PCDHA2: variants seen among roughly 807,000 people sequenced by gnomAD.
The protein encoded by PCDHA2 is protocadherin alpha-2.
PCDHA2 carries 58 observed loss-of-function variants against 66.0 expected under a neutral mutation model. That is an observed-to-expected ratio of 0.88 (90% CI 0.71 to 1.09). The LOEUF (loss-of-function observed/expected upper bound fraction) is 1.09, where lower values mean the gene tolerates loss of function less well. Among genes scored for constraint, PCDHA2 ranks in the 50% least tolerant of loss-of-function variants. The pLI is 0.00. For synonymous variants in PCDHA2, 634 were observed against 554.0 expected (o/e 1.14, Z -2.03); for missense variants, 1,267 against 1,242.3 (o/e 1.02, Z -0.30).
chr5:140,943,359 G>T (rs1374185019), intron 1 of PCDHA2, among the ~76,000 whole-genome samples: 2 of 151,772 alleles, frequency 1.3e-5, no homozygotes, highest in Non-Finnish European at 2.9e-5. Flanking sequence ...TAGAGGAAAG[G>T]AGATCATTAA....
Position 140,841,358 on chromosome 5 carries a change from C to T in PCDHA2, c.2388+44006C>T, listed in dbSNP as rs2150314140. 4 of 1,612,986 alleles carry T rather than the reference C, an allele frequency of 2.5e-6. No individual in the cohort carries two copies. In the South Asian group the frequency reaches 4.4e-5, roughly 18 times the overall value. ...CTGGCGAGGAGAGCTGGGATCCTGG[C>T]GACTACTACTCTTGCTTCTGCTCCT... On this transcript the variant is annotated intron_variant, in intron 1 of 3. Transcript: ENST00000526136.
chr5:140,922,883 T>G (rs963654982), intron 1 of PCDHA2, among the ~76,000 whole-genome samples: 2 of 152,134 alleles, frequency 1.3e-5, no homozygotes, highest in African/African-American at 2.4e-5. Flanking sequence ...TCCAAAGACA[T>G]CATTCAAGAA....
chr5:140,848,354 C>G (rs1427419086), intron 1 of PCDHA2: 1 of 1,023,830 alleles, frequency 9.8e-7, no homozygotes, highest in African/African-American at 1.6e-5. Flanking sequence ...AGCCCTTTTC[C>G]CATGGGAAAG....
chr5:140,858,998 T>G, intron 1 of PCDHA2: 1 of 151,598 alleles, frequency 6.6e-6, no homozygotes, highest in East Asian at 1.9e-4. Context: ...TTGGTAAAAA[T>G]TTCTTAATCT....
chr5:140,830,190 T>C, intron 1 of PCDHA2: 1 of 1,613,680 alleles, frequency 6.2e-7, no homozygotes, highest in Non-Finnish European at 8.5e-7. Context: ...AACGTGTACC[T>C]GATCATCGCC....
At chr5:140,850,016 C>T (rs2150463409) in intron 1 of PCDHA2, 1 of 1,596,912 alleles carries the variant, frequency 6.3e-7, no homozygotes, top group Non-Finnish European at 8.6e-7. Context: ...TGTCGAGCTA[C>T]GTGTCAGTGC....
At chr5:140,837,003 A>T (rs1386958207) in intron 1 of PCDHA2, 2 of 326,856 alleles carry the variant, frequency 6.1e-6, no homozygotes, top group Admixed American at 8.8e-5. Flanking sequence ...AACTGGAGCA[A>T]TGGATTCACC....
chr5:140,885,592 G>A (rs1428219345), intron 1 of PCDHA2, among the ~76,000 whole-genome samples: 1 of 152,102 alleles, frequency 6.6e-6, no homozygotes, highest in Non-Finnish European at 1.5e-5. Context: ...ATGCATCAAA[G>A]ATATTAATAA....
chr5:140,891,418 C>G (rs2063090538), intron 1 of PCDHA2, among the ~76,000 whole-genome samples: 1 of 146,594 alleles, frequency 6.8e-6, no homozygotes, highest in Non-Finnish European at 1.5e-5. Flanking sequence ...CCACTCTTGC[C>G]CCCAAGTCCC....
intron 1 of PCDHA2, chr5:140,875,916 G>GC: frequency 6.2e-7 from 1 of 1,614,086 alleles, no homozygotes. Context: ...CTGCGCCTCT[G>GC]GACTCTCATT....
chr5:140,836,236 C>A lies in PCDHA2; in HGVS notation c.2388+38884C>A, dbSNP rs2150256110. On this transcript the variant is annotated intron_variant, in intron 1 of 3. Coordinates refer to ENST00000526136, the MANE Select transcript of PCDHA2 (RefSeq NM_018905.3). ...GAGTTGCAACCGGTGGCGGCCGGTG[C>A]GAGCATCCCGTTCCGCGTGGGGCTG... 5 of 1,613,676 alleles carry A rather than the reference C, an allele frequency of 3.1e-6. No individual in the cohort carries two copies. The East Asian group carries it at 6.7e-5, about 22-fold the overall frequency.
rs2045092638 is a variant in PCDHA2, at chr5:140,858,000, A to G, written c.2388+60648A>G. The stretch of plus-strand genomic sequence containing the variant: ...CGCCAGCGCCTACTGGTGCTGGTGA[A>G]GGACCATGGCGAGCCGTCGCTGACG... On this transcript the variant is annotated intron_variant, in intron 1 of 3. Coordinates refer to ENST00000526136, the MANE Select transcript of PCDHA2 (RefSeq NM_018905.3). 1.0e-5 allele frequency: 16 copies of G among 1,596,802 alleles called. 2 individuals carry two copies. Among genetic ancestry groups the G allele is most frequent in the Non-Finnish European group, 1.4e-5 (16 of 1,167,152 alleles).
intron 1 of PCDHA2, among the ~76,000 whole-genome samples, chr5:140,911,441 T>C (rs2075476385): frequency 6.6e-6 from 1 of 152,154 alleles, no homozygotes. Context: ...TTTCCCGCAA[T>C]TTCAGCTCTT....
intron 1 of PCDHA2, chr5:140,868,166 T>G (rs1427031961): frequency 1.3e-5 from 2 of 152,120 alleles, no homozygotes; most frequent in Non-Finnish European, 2.9e-5. Flanking sequence ...AGTGCTAAAT[T>G]TTGATATCTC....
intron 1 of PCDHA2, chr5:140,853,216 G>T: frequency 1.0e-6 from 1 of 983,832 alleles, no homozygotes; most frequent in Non-Finnish European, 1.2e-6. Context: ...TGTATTGATG[G>T]GATTGGTAAT....
At chr5:140,829,620 T>C (rs1770444149) in intron 1 of PCDHA2, 2 of 1,612,108 alleles carry the variant, frequency 1.2e-6, no homozygotes, top group East Asian at 4.5e-5. Context: ...TACATTTCGG[T>C]GCACGCGGAG....
intron 1 of PCDHA2, chr5:140,883,557 G>A (rs868923862): frequency 6.2e-7 from 1 of 1,614,214 alleles, no homozygotes; most frequent in Non-Finnish European, 8.5e-7. Flanking sequence ...GCGCGGGACG[G>A]GGGCTCGCCT....
chr5:140,909,070 C>T (rs2074299054), intron 1 of PCDHA2, among the ~76,000 whole-genome samples: 1 of 152,146 alleles, frequency 6.6e-6, no homozygotes, highest in Non-Finnish European at 1.5e-5. Flanking sequence ...CACCAATAAG[C>T]CCAGTGTGTT....
In PCDHA2 at chr5:140,842,731, G is replaced by A. The variant is rs202126810; in HGVS notation, c.2388+45379G>A. Reference sequence around the variant, plus strand: ...TGTTCGTGAAGGAGAACAACCCGCCGGGCTGCCACATCTTCACGGTGTCTG... The same window carrying A: ...TGTTCGTGAAGGAGAACAACCCGCCAGGCTGCCACATCTTCACGGTGTCTG... On this transcript the variant is annotated intron_variant, in intron 1 of 3. Coordinates refer to ENST00000526136, the MANE Select transcript of PCDHA2 (RefSeq NM_018905.3). The A allele has an allele frequency of 1.1e-5, 17 of 1,594,938 alleles. 3 individuals are homozygous for A. The highest frequency in any genetic ancestry group is 5.1e-5 in the Admixed American group (3 of 59,276).
Sources: gnomAD v4.1 joint callset for allele counts (sites outside exome capture counted in the v4.1 genomes callset) on GRCh38, gnomAD v4.1.1 for gene constraint, MANE v1.5 for transcripts, NCBI Gene and HGNC (gene_info 2026-07-23, HGNC 2026-07-21) for gene names.